Variants in CD109 observed in about 807,000 individuals in gnomAD.
CD109 encodes the protein CD109 molecule, also known as CD109 antigen.
In CD109, 149 loss-of-function variants were observed where a neutral mutation model predicts 165.8. The ratio of observed to expected loss-of-function variants is 0.90; its 90% CI spans 0.79 to 1.03. The LOEUF (loss-of-function observed/expected upper bound fraction) is 1.03. CD109 is among the 50% of genes least tolerant of loss of function. The pLI is 0.00. For synonymous variants in CD109, 585 were observed against 592.1 expected (o/e 0.99, Z 0.18); for missense variants, 1,712 against 1,677.8 (o/e 1.02, Z -0.36).
upstream of CD109, among the ~76,000 whole-genome samples, chr6:73,691,207 A>G (rs1218865422): frequency 6.6e-6 from 1 of 152,194 alleles, no homozygotes; most frequent in African/African-American, 2.4e-5. Flanking sequence ...GAGGGAGACT[A>G]GAAAGGCAAC....
chr6:73,689,893 A>G, the CD109 span, among the ~76,000 whole-genome samples: 105 of 152,152 alleles, frequency 6.9e-4, no homozygotes, highest in African/African-American at 2.4e-3. Flanking sequence ...TGAAAAACAT[A>G]TATTTTAGAA....
chr6:73,762,106 G>A (rs1773658384), intron 7 of CD109, among the ~76,000 whole-genome samples: 1 of 151,926 alleles, frequency 6.6e-6, no homozygotes, highest in South Asian at 2.1e-4. Context: ...GGGAGTACAG[G>A]TGCCTGCCAC....
At chr6:73,754,730 A>G (rs1029505885) in intron 5 of CD109, among the ~76,000 whole-genome samples, 1 of 152,256 alleles carries the variant, frequency 6.6e-6, no homozygotes, top group Non-Finnish European at 1.5e-5. Context: ...TATGCGGGAT[A>G]TAAAAATGAT....
chr6:73,725,504 C>CTTTTTTTTTTTTTTTTTTTTTTTTTT (rs386407559), intron 3 of CD109, among the ~76,000 whole-genome samples: 1 of 89,440 alleles, frequency 1.1e-5, no homozygotes. Flanking sequence ...TACTACACTT[C>CTTTTTTTTTTTTTTTTTTTTTTTTTT]TTTTTTTTTT....
chr6:73,803,337 T>G, intron 24 of CD109, 36 bp downstream of exon 24: 1 of 1,515,352 alleles, frequency 6.6e-7, no homozygotes, highest in Non-Finnish European at 9.2e-7. Context: ...ATCCGTGTCA[T>G]GGAATGGGCT....
chr6:73,781,140 T>A (rs7762433), intron 16 of CD109, 119 bp from the exon 17 acceptor site: 255,937 of 696,768 alleles, frequency 0.37, 48,437 homozygotes, highest in African/African-American at 0.48. Flanking sequence ...TATGTGCATG[T>A]GTATACCTAA....
intron 2 of CD109, 46 bp downstream of exon 2, chr6:73,697,618 G>T: frequency 1.3e-6 from 2 of 1,546,090 alleles, no homozygotes; most frequent in South Asian, 2.3e-5. Flanking sequence ...GTAATAACTG[G>T]AATATGTTAA....
intron 2 of CD109, among the ~76,000 whole-genome samples, chr6:73,720,996 T>G (rs1184334741): frequency 1.3e-5 from 2 of 152,366 alleles, no homozygotes; most frequent in East Asian, 3.9e-4. Context: ...CTCCATATCC[T>G]ACAACCTTAG....
chr6:73,803,268 C>T lies in CD109; in HGVS notation c.2927C>T (p.Ala976Val). 6.2e-7 allele frequency: 1 copy of T among 1,610,578 alleles called. No individual in the cohort carries two copies. The highest frequency in any genetic ancestry group is 8.5e-7 in the Non-Finnish European group (1 of 1,179,050). Reference sequence around the variant, plus strand: ...CAGAGGGAAGATGGCTCTTTCAGTGCTTTTGGGAATTATGACCCTTCTGGG... The same window carrying T: ...CAGAGGGAAGATGGCTCTTTCAGTGTTTTTGGGAATTATGACCCTTCTGGG... ...LYQREDGSFS[A>V]FGNYDPSGST... Residue 976 changes from alanine (A) to valine (V), a missense_variant, in exon 24 of 33, where the codon GCT (alanine) becomes GTT (valine). By Grantham distance (64) the Ala-to-Val change is moderately conservative. Transcript: ENST00000287097.
chr6:73,732,913 C>G (rs1216487880), intron 4 of CD109, among the ~76,000 whole-genome samples: 4 of 152,130 alleles, frequency 2.6e-5, no homozygotes, highest in African/African-American at 9.7e-5. Flanking sequence ...ATATGACTCT[C>G]TTGGCCAGGG....
intron 19 of CD109, 146 bp from the exon 20 acceptor site, chr6:73,785,218 T>C: frequency 4.8e-6 from 3 of 622,018 alleles, no homozygotes; most frequent in Non-Finnish European, 8.5e-6. Context: ...TTGTGATAAG[T>C]TGCTGTTTGC....
chr6:73,785,518 A>G (rs1278305904), intron 20 of CD109, 41 bp downstream of exon 20: 10 of 1,155,964 alleles, frequency 8.7e-6, no homozygotes, highest in Non-Finnish European at 1.1e-5. Flanking sequence ...ACACTACAGG[A>G]GAAAATCGAG....
the CD109 span, among the ~76,000 whole-genome samples, chr6:73,682,143 T>A: frequency 6.6e-6 from 1 of 152,088 alleles, no homozygotes; most frequent in African/African-American, 2.4e-5. Flanking sequence ...CCTAAAGTCT[T>A]AACTCACTTC....
intron 31 of CD109, 92 bp downstream of exon 31, chr6:73,818,627 A>G: frequency 8.1e-7 from 1 of 1,234,856 alleles, no homozygotes; most frequent in African/African-American, 1.5e-5. Context: ...TCTTTAATTC[A>G]TTGTTATTTC....
intron 26 of CD109, 27 bp downstream of exon 26, chr6:73,808,275 G>T (rs1303771118): frequency 6.3e-7 from 1 of 1,584,050 alleles, no homozygotes; most frequent in African/African-American, 1.4e-5. Flanking sequence ...ACTTGAGGTT[G>T]TTATGCTTTA....
At chr6:73,793,928 T>C (rs1192231872) in intron 23 of CD109, among the ~76,000 whole-genome samples, 1 of 152,240 alleles carries the variant, frequency 6.6e-6, no homozygotes, top group Non-Finnish European at 1.5e-5. Context: ...CTAATTTTTT[T>C]AGTTTTTGTT....
intron 22 of CD109, among the ~76,000 whole-genome samples, chr6:73,789,993 C>T (rs1384739341): frequency 6.6e-6 from 1 of 151,988 alleles, no homozygotes; most frequent in African/African-American, 2.4e-5. Flanking sequence ...AACCCCTGAC[C>T]CAAAGTGCTG....
At chr6:73,773,262 A>T (rs763653525) in intron 15 of CD109, among the ~76,000 whole-genome samples, 1 of 151,116 alleles carries the variant, frequency 6.6e-6, no homozygotes, top group Non-Finnish European at 1.5e-5. Flanking sequence ...TTTTTCAGAT[A>T]TTAAGATTGC....
At chr6:73,700,733 A>G (rs1220965224) in intron 2 of CD109, among the ~76,000 whole-genome samples, 1 of 135,180 alleles carries the variant, frequency 7.4e-6, no homozygotes, top group Non-Finnish European at 1.6e-5. Flanking sequence ...TGTAGGTTAT[A>G]TTACTGTTAT....
Sources: allele counts gnomAD v4.1 joint callset (sites outside exome capture counted in the v4.1 genomes callset), GRCh38; gene constraint gnomAD v4.1.1; transcripts MANE v1.5; gene names NCBI Gene and HGNC (gene_info 2026-07-23, HGNC 2026-07-21).